The following SHANK2 variants were observed in gnomAD, a reference collection of about 807,000 sequenced individuals.
The protein encoded by SHANK2 is SH3 and multiple ankyrin repeat domains protein 2.
Under a neutral mutation model 133.7 loss-of-function variants are expected in SHANK2, and 43 were observed. That is an observed-to-expected ratio of 0.32 (90% confidence interval 0.25 to 0.41). The LOEUF is 0.41. SHANK2 is among the 10% of genes least tolerant of loss of function. SHANK2 has a pLI of 1.00. For missense variants in SHANK2, 1,994 were observed against 2,235.8 expected, an observed-to-expected ratio of 0.89 and a Z score of 2.18; for synonymous variants, 1,017 against 952.8, an observed-to-expected ratio of 1.07 and a Z score of -1.24.
At chr11:71,124,288 G>GGTGATGGTGACAATCATGATGATA (rs1952140295) in intron 3 of SHANK2, among the ~76,000 whole-genome samples, 1 of 43,768 alleles carries the variant, frequency 2.3e-5, no homozygotes, top group Non-Finnish European at 5.2e-5. Context: ...TGATGATGAT[G>GGTGATGGTGACAATCATGATGATA]GTGATGGTGA....
At chr11:70,917,854 G>A (rs1006922864) in intron 10 of SHANK2, among the ~76,000 whole-genome samples, 1 of 152,056 alleles carries the variant, frequency 6.6e-6, no homozygotes, top group African/African-American at 2.4e-5. Context: ...GAGCCTTTCA[G>A]GGGGGTGGAG....
intron 8 of SHANK2, among the ~76,000 whole-genome samples, chr11:71,084,725 G>T (rs1295956954): frequency 6.6e-6 from 1 of 152,216 alleles, no homozygotes; most frequent in African/African-American, 2.4e-5. Context: ...GTTTGGATGT[G>T]AGAACCCTAC....
chr11:70,874,299 T>C (rs891156536), intron 11 of SHANK2, among the ~76,000 whole-genome samples: 1 of 152,162 alleles, frequency 6.6e-6, no homozygotes. Context: ...ATCTAATCTA[T>C]CTAATCTATT....
At chr11:71,214,884 C>T (rs923852696) in intron 2 of SHANK2, among the ~76,000 whole-genome samples, 1 of 152,230 alleles carries the variant, frequency 6.6e-6, no homozygotes, top group Non-Finnish European at 1.5e-5. Context: ...CACAGCCTTT[C>T]GTTCTGGTCT....
At chr11:71,218,553 G>A (rs72957176) in intron 2 of SHANK2, among the ~76,000 whole-genome samples, 17,302 of 152,088 alleles carry the variant, frequency 0.11, 2,209 homozygotes, top group African/African-American at 0.31. Flanking sequence ...GTGAGCCCCC[G>A]GGACCGGGCT....
chr11:71,069,468 A>T (rs2135963075), intron 9 of SHANK2, among the ~76,000 whole-genome samples: 1 of 152,256 alleles, frequency 6.6e-6, no homozygotes, highest in African/African-American at 2.4e-5. Flanking sequence ...CGCCAGCCTC[A>T]TGACGACCAT....
chr11:71,111,674 G>A (rs1191082225), intron 5 of SHANK2, among the ~76,000 whole-genome samples: 2 of 152,184 alleles, frequency 1.3e-5, no homozygotes, highest in African/African-American at 4.8e-5. Flanking sequence ...CTCCTGGCAC[G>A]TGCTAGATTT....
intron 17 of SHANK2, chr11:70,633,819 G>A (rs1449820076): frequency 2.0e-5 from 3 of 152,228 alleles, no homozygotes; most frequent in African/African-American, 4.8e-5. Flanking sequence ...CTGGGGAGAT[G>A]GGGTGTGAAG....
At chr11:70,648,414 G>A (rs1394869525) in intron 17 of SHANK2, among the ~76,000 whole-genome samples, 2 of 152,234 alleles carry the variant, frequency 1.3e-5, no homozygotes, top group African/African-American at 4.8e-5. Flanking sequence ...GATAAGCCTT[G>A]TTATGCGGAC....
intron 10 of SHANK2, among the ~76,000 whole-genome samples, chr11:70,920,693 G>A (rs1221155562): frequency 6.6e-6 from 1 of 152,212 alleles, no homozygotes; most frequent in Non-Finnish European, 1.5e-5. Flanking sequence ...GCCACTGCAG[G>A]GGAGAATCTG....
intron 14 of SHANK2, among the ~76,000 whole-genome samples, chr11:70,783,408 G>A (rs935416147): frequency 6.6e-6 from 1 of 152,128 alleles, no homozygotes; most frequent in African/African-American, 2.4e-5. Context: ...GCGGGACAGA[G>A]GGACAAATCC....
chr11:71,078,045 C>T (rs1040380588), intron 8 of SHANK2, among the ~76,000 whole-genome samples: 19 of 152,098 alleles, frequency 1.2e-4, no homozygotes, highest in Middle Eastern at 3.2e-3. Flanking sequence ...GCACCTGCAC[C>T]TTGGCTTCTA....
Position 71,092,519 on chromosome 11 carries a change from G to T in SHANK2, c.815C>A (p.Ala272Asp). Residue 272 changes from alanine (A) to aspartate (D), a missense_variant, in exon 8 of 26, where the codon GCC (alanine) becomes GAC (aspartate). By Grantham distance (126) the Ala-to-Asp change is moderately radical (BLOSUM62 -2). Around this residue, in one of 5 missense-constraint regions of SHANK2, gnomAD observed 653 missense variants for 563.4 expected, o/e 1.16. Transcript: ENST00000601538. ...GCAGTAGGGATCACCTCCGACGATG[G>T]CTGTGTGATACAGCGGGGTGAGGCC... ...SYGLTPLYHT[A>D]IVGGDPYCCE... 6.4e-7 allele frequency: 1 copy of T among 1,551,826 alleles called. No homozygotes were observed. Among genetic ancestry groups the T allele is most frequent in the Non-Finnish European group, 8.7e-7 (1 of 1,147,012 alleles).
chr11:70,860,225 C>T (rs529385343), intron 11 of SHANK2, among the ~76,000 whole-genome samples: 4 of 152,156 alleles, frequency 2.6e-5, no homozygotes, highest in Non-Finnish European at 5.9e-5. Flanking sequence ...CTTCTCTACC[C>T]GCCCCAAAGC....
At chr11:70,923,780 T>C (rs927686476) in intron 10 of SHANK2, among the ~76,000 whole-genome samples, 1 of 152,206 alleles carries the variant, frequency 6.6e-6, no homozygotes, top group Admixed American at 6.5e-5. Context: ...CTTGAACTCC[T>C]GGGCTCAAGT....
intron 10 of SHANK2, among the ~76,000 whole-genome samples, chr11:70,914,106 G>A (rs1435798515): frequency 6.6e-6 from 1 of 152,158 alleles, no homozygotes; most frequent in African/African-American, 2.4e-5. Flanking sequence ...CAAAGCAGGT[G>A]CAGGGCCCCG....
At chr11:70,556,726 G>T in intron 17 of SHANK2, among the ~76,000 whole-genome samples, 1 of 151,766 alleles carries the variant, frequency 6.6e-6, no homozygotes. Flanking sequence ...TGAGTATCTG[G>T]GATTACAGGC....
chr11:70,494,322 CTT>C (rs1223390883), intron 21 of SHANK2, among the ~76,000 whole-genome samples: 3 of 151,984 alleles, frequency 2.0e-5, no homozygotes, highest in Non-Finnish European at 4.4e-5. Context: ...ACTTTTTTTT[CTT>C]TTCTTTAAGA....
chr11:70,689,483 C>G (rs782664999), intron 15 of SHANK2, among the ~76,000 whole-genome samples: 3 of 152,122 alleles, frequency 2.0e-5, no homozygotes, highest in Non-Finnish European at 4.4e-5. Context: ...ACACTCACAT[C>G]CACCATCAGA....
Sources: gnomAD v4.1 joint callset for allele counts (sites outside exome capture counted in the v4.1 genomes callset) on GRCh38, gnomAD v4.1.1 for gene constraint, gnomAD v4.1.1 regional missense constraint, MANE v1.5 for transcripts, NCBI Gene and HGNC (gene_info 2026-07-23, HGNC 2026-07-21) for gene names.